INPP5D: variants seen among roughly 807,000 people sequenced by gnomAD.
INPP5D encodes the protein phosphatidylinositol 3,4,5-trisphosphate 5-phosphatase 1.
A neutral mutation model predicts 122.9 loss-of-function variants in INPP5D; 33 were observed. The observed-to-expected ratio is 0.27, with a 90% CI of 0.20 to 0.36. The LOEUF (loss-of-function observed/expected upper bound fraction) is 0.36, where lower values mean the gene tolerates loss of function less well. Ranked by LOEUF, INPP5D falls within the 10% of genes least tolerant of loss-of-function variation. INPP5D has a pLI of 1.00. For synonymous variants in INPP5D, 584 were observed against 576.2 expected, an observed-to-expected ratio of 1.01 and a Z score of -0.19; for missense variants, 1,053 against 1,412.7, an observed-to-expected ratio of 0.75 and a Z score of 4.08.
intron 17 of INPP5D, among the ~76,000 whole-genome samples, chr2:233,173,325 G>A (rs753971909): frequency 8.5e-5 from 13 of 152,206 alleles, no homozygotes; most frequent in Middle Eastern, 3.4e-3. Flanking sequence ...GAATGAGTGC[G>A]AAGGCCTAGG....
At chr2:233,113,400 A>G (rs1476021554) in intron 2 of INPP5D, among the ~76,000 whole-genome samples, 3 of 152,212 alleles carry the variant, frequency 2.0e-5, no homozygotes, top group Non-Finnish European at 4.4e-5. Context: ...AAAAAAGAGA[A>G]GGGAGGGAAG....
intron 2 of INPP5D, among the ~76,000 whole-genome samples, chr2:233,097,953 C>T (rs921943469): frequency 7.6e-4 from 115 of 151,578 alleles, no homozygotes; most frequent in Admixed American, 3.6e-3. Flanking sequence ...GTGGCGCGAT[C>T]TCGGTCACTG....
In INPP5D at chr2:233,188,633, C is replaced by T. The variant is rs1448230259; in HGVS notation, c.2359-1217C>T. 6.6e-6 allele frequency among the ~76,000 whole-genome samples: 1 copy of T among 152,182 alleles called. No individual in the cohort carries two copies. Among genetic ancestry groups the T allele is most frequent in the Non-Finnish European group, 1.5e-5 (1 of 68,022 alleles). On this transcript the variant is annotated intron_variant, in intron 21 of 26. Coordinates refer to ENST00000445964, the MANE Select transcript of INPP5D (RefSeq NM_001017915.3). This position sits in a 1 kb window ranked among gnomAD's most constrained non-coding sequence, Gnocchi z 4.7. Reference sequence around the variant, plus strand: ...CTGGAGTGCAGTGGTGCCATCTCGGCTCACTGCAACCTCCGCCTCCAAGGT... The same window carrying T: ...CTGGAGTGCAGTGGTGCCATCTCGGTTCACTGCAACCTCCGCCTCCAAGGT...
intron 2 of INPP5D, among the ~76,000 whole-genome samples, chr2:233,118,330 C>A (rs1021115844): frequency 1.3e-5 from 2 of 152,196 alleles, no homozygotes; most frequent in Non-Finnish European, 2.9e-5. Context: ...CATGTGTGGG[C>A]TGCTCCTCTC....
At chr2:233,071,322 A>G (rs927406974) in intron 1 of INPP5D, among the ~76,000 whole-genome samples, 1 of 151,754 alleles carries the variant, frequency 6.6e-6, no homozygotes, top group South Asian at 2.1e-4. Context: ...ATTTATGTGT[A>G]TTTTTCTCAG....
rs1694899917 is a variant in INPP5D, at chr2:233,185,866, G to C, written c.2299G>C (p.Glu767Gln). Residue 767 changes from glutamate to glutamine, a missense_variant, in exon 21 of 27, where the codon GAA becomes CAA. Transcript: ENST00000445964. ...AGGTTTTGTCAAGAGTCAGGAAGGAGAAAATGAAGAAGGAAGTGAGGGGGA... is the reference window on the plus strand; with the variant it reads ...AGGTTTTGTCAAGAGTCAGGAAGGACAAAATGAAGAAGGAAGTGAGGGGGA... Reference protein sequence around the residue: ...LESFVKSQEGENEEGSEGELV... With the variant: ...LESFVKSQEGQNEEGSEGELV... The C allele has an allele frequency of 6.2e-7, 1 of 1,608,830 alleles. No homozygotes were observed.
chr2:233,066,291 C>T (rs72982221), intron 1 of INPP5D, among the ~76,000 whole-genome samples: 3 of 152,192 alleles, frequency 2.0e-5, no homozygotes, highest in Non-Finnish European at 2.9e-5. Flanking sequence ...TGCCATCTCC[C>T]TGCACATGAA....
At chr2:233,111,862 A>G (rs1692638521) in intron 2 of INPP5D, among the ~76,000 whole-genome samples, 1 of 152,126 alleles carries the variant, frequency 6.6e-6, no homozygotes, top group South Asian at 2.1e-4. Flanking sequence ...GGAGTTTTAG[A>G]CCAGCCTGGG....
In INPP5D at chr2:233,206,936, C is replaced by T. The variant is rs969703852; in HGVS notation, c.*228C>T. On this transcript the variant is annotated 3_prime_UTR_variant, in exon 27 of 27. Transcript: ENST00000445964. This position sits in a 1 kb window ranked among gnomAD's most constrained non-coding sequence, Gnocchi z 4.0. ...AAACGCACACCAGACGGGCAACAAA[C>T]AGTCTGGGTCCCCAGCTCGCTCTTG... 1.1e-5 allele frequency: 6 copies of T among 525,734 alleles called. No individual in the cohort carries two copies. The Admixed American group carries it at 2.0e-4, about 18-fold the overall frequency. 32.6% of individuals were successfully genotyped at this position (525,734 alleles called of 1,614,324 possible).
rs1485432367 is a variant in INPP5D at position 233,160,941 on chromosome 2, T to C, written c.1138-783T>C. 1.3e-5 allele frequency among the ~76,000 whole-genome samples: 2 copies of C among 151,892 alleles called. No homozygotes were observed. The highest frequency in any genetic ancestry group is 4.2e-4 in the South Asian group (2 of 4,808). On this transcript the variant is annotated intron_variant, in intron 10 of 26. Transcript: ENST00000445964. This position sits in a 1 kb window ranked among gnomAD's most constrained non-coding sequence, Gnocchi z 4.2. Reference sequence around the variant, plus strand: ...TGAGCCACTGTGCCAGGCCCAAATGTTTTATTAAAAATGCAATGATGCTAT... The same window carrying C: ...TGAGCCACTGTGCCAGGCCCAAATGCTTTATTAAAAATGCAATGATGCTAT...
intron 2 of INPP5D, among the ~76,000 whole-genome samples, chr2:233,086,753 C>T (rs1444134895): frequency 1.3e-5 from 2 of 152,094 alleles, no homozygotes; most frequent in African/African-American, 4.8e-5. Context: ...TAAAAGTGTC[C>T]TAACTTACAA....
At chr2:233,135,432 C>T (rs913649064) in intron 5 of INPP5D, among the ~76,000 whole-genome samples, 7 of 151,940 alleles carry the variant, frequency 4.6e-5, no homozygotes, top group East Asian at 1.9e-4. Flanking sequence ...AACTCCTGGG[C>T]TTAAGCCTTG....
At position 233,074,103 on chromosome 2, in the gene INPP5D, C is replaced by G. The variant is rs1194857534; in HGVS notation, c.135-5232C>G. On this transcript the variant is annotated intron_variant, in intron 1 of 26. Transcript: ENST00000445964. Reference sequence around the variant, plus strand: ...TGTTTTCATAGGTCAGGTGATTTTTCTTTTCTGACAAAGAACTGTCGAGAA... The same window carrying G: ...TGTTTTCATAGGTCAGGTGATTTTTGTTTTCTGACAAAGAACTGTCGAGAA... Among the ~76,000 whole-genome samples, 4 of 152,162 alleles carry G rather than the reference C, an allele frequency of 2.6e-5. No homozygotes were observed. In the East Asian group the frequency reaches 7.7e-4, roughly 29 times the overall value.
chr2:233,062,808 A>T (rs966543922), intron 1 of INPP5D, among the ~76,000 whole-genome samples: 2 of 152,004 alleles, frequency 1.3e-5, no homozygotes, highest in African/African-American at 4.8e-5. Context: ...GTTGCTATGG[A>T]CCTGCAGACT....
intron 17 of INPP5D, among the ~76,000 whole-genome samples, chr2:233,171,754 T>C (rs998616109): frequency 2.3e-4 from 35 of 152,216 alleles, no homozygotes; most frequent in Admixed American, 2.0e-3. Context: ...AGATGTCTTT[T>C]CCAGGGACTT....
At chr2:233,165,398 A>C (rs568785909) in intron 13 of INPP5D, among the ~76,000 whole-genome samples, 1 of 147,546 alleles carries the variant, frequency 6.8e-6, no homozygotes, top group Admixed American at 6.7e-5. Flanking sequence ...GTGTGTGTTT[A>C]TGTGAGTCTA....
At chr2:233,092,148 G>A (rs1350444232) in intron 2 of INPP5D, among the ~76,000 whole-genome samples, 4 of 152,182 alleles carry the variant, frequency 2.6e-5, no homozygotes, top group Non-Finnish European at 2.9e-5. Flanking sequence ...GCTGGGTCTG[G>A]GATGAGGCAG....
chr2:233,103,702 CTT>C (rs61589704), intron 2 of INPP5D, among the ~76,000 whole-genome samples: 172 of 116,100 alleles, frequency 1.5e-3, no homozygotes, highest in African/African-American at 4.7e-3. Context: ...AAAAGTAGTT[CTT>C]TTTTTTTTTT....
At chr2:233,066,429 C>T (rs1410415350) in intron 1 of INPP5D, among the ~76,000 whole-genome samples, 1 of 152,238 alleles carries the variant, frequency 6.6e-6, no homozygotes, top group Non-Finnish European at 1.5e-5. Flanking sequence ...AGGAGCAAGG[C>T]TCTGTGGTCT....
Sources: gnomAD v4.1 joint callset for allele counts (sites outside exome capture counted in the v4.1 genomes callset) on GRCh38, gnomAD v4.1.1 for gene constraint, Gnocchi (gnomAD v3.1) non-coding constraint, MANE v1.5 for transcripts, NCBI Gene and HGNC (gene_info 2026-07-23, HGNC 2026-07-21) for gene names.